Variants in BRAF observed in about 807,000 individuals in gnomAD.
The protein encoded by BRAF is serine/threonine-protein kinase B-raf.
Under a neutral mutation model 104.6 loss-of-function variants are expected in BRAF, and 16 were observed. The ratio of observed to expected loss-of-function variants is 0.15; its 90% confidence interval spans 0.10 to 0.23. The LOEUF is 0.23. Ranked by LOEUF, BRAF falls within the 10% of genes least tolerant of loss-of-function variation. The pLI, the probability that BRAF is intolerant of heterozygous loss-of-function variation, is 1.00. For synonymous variants in BRAF, 310 were observed against 341.6 expected (o/e 0.91, Z 1.02); for missense variants, 541 against 937.3 (o/e 0.58, Z 5.52).
intron 14 of BRAF, among the ~76,000 whole-genome samples, chr7:140,774,137 GTTAATT>G (rs1301379439): frequency 6.6e-6 from 1 of 152,112 alleles, no homozygotes; most frequent in Admixed American, 6.5e-5. Flanking sequence ...ATCCTCCTTG[GTTAATT>G]TTAAACTGGT....
rs527275468 is a variant in BRAF, at chr7:140,725,939, T to C, written c.*555A>G. 9.4e-7 allele frequency: 1 copy of C among 1,063,636 alleles called. No individual in the cohort carries two copies. Among genetic ancestry groups the C allele is most frequent in the South Asian group, 4.6e-5 (1 of 21,974 alleles). 65.9% of individuals were successfully genotyped at this position (1,063,636 alleles called of 1,614,324 possible). Reference sequence around the variant, plus strand: ...AAAATAGTTTCCTTTTGATAAAATCTGTCAAGGCCTGAACACGCACCACAT... The same window carrying C: ...AAAATAGTTTCCTTTTGATAAAATCCGTCAAGGCCTGAACACGCACCACAT... On this transcript the variant is annotated 3_prime_UTR_variant, in exon 20 of 20. Coordinates refer to ENST00000644969, the MANE Select transcript of BRAF (RefSeq NM_001374258.1).
Position 140,724,863 on chromosome 7 carries a change from T to C in BRAF, c.*1631A>G. On this transcript the variant is annotated 3_prime_UTR_variant, in exon 20 of 20. Coordinates refer to ENST00000644969, the MANE Select transcript of BRAF (RefSeq NM_001374258.1). ...AGGTTTTCCATTAATTTGCCATTAA[T>C]ACATCCGCTTTCTTTGCTATGACTG... is the stretch of plus-strand genomic sequence containing the variant. 9.6e-7 allele frequency: 1 copy of C among 1,038,622 alleles called. No homozygotes were observed. Among genetic ancestry groups the C allele is most frequent in the Non-Finnish European group, 1.2e-6 (1 of 862,382 alleles). The allele number at this position is 1,038,622 out of a possible 1,614,324, so 64.3% of individuals were successfully genotyped here. A position where few individuals can be genotyped will look rare whatever the true frequency, so the allele number is the denominator to read the frequency against.
chr7:140,922,067 T>A (rs1818283184), intron 1 of BRAF, among the ~76,000 whole-genome samples: 1 of 152,230 alleles, frequency 6.6e-6, no homozygotes, highest in Admixed American at 6.5e-5. Flanking sequence ...ATACATTTTT[T>A]AATCAATGTC....
intron 5 of BRAF, among the ~76,000 whole-genome samples, chr7:140,804,406 T>C (rs528340243): frequency 2.7e-5 from 4 of 147,260 alleles, no homozygotes; most frequent in Non-Finnish European, 4.5e-5. Context: ...GTTTTTTTTT[T>C]GGGGGGGGTG....
chr7:140,861,716 A>C (rs1810436146), intron 1 of BRAF, among the ~76,000 whole-genome samples: 1 of 152,268 alleles, frequency 6.6e-6, no homozygotes, highest in South Asian at 2.1e-4. Context: ...TAAGACTGTA[A>C]GGTGCTATAT....
chr7:140,800,367 A>G lies in BRAF; in HGVS notation c.975T>C (p.Ser325=), dbSNP rs762405754. 6.2e-7 allele frequency: 1 copy of G among 1,614,032 alleles called. No individual in the cohort carries two copies. Among genetic ancestry groups the G allele is most frequent in the East Asian group, 2.2e-5 (1 of 44,894 alleles). The change falls in exon 7 of 20, where the codon TCT becomes TCC. Residue 325 remains serine, a synonymous_variant. Coordinates refer to ENST00000644969, the MANE Select transcript of BRAF (RefSeq NM_001374258.1). ...GSSPSAPASD[S]IGPQILTSPS... Reference sequence around the variant, plus strand: ...GAGCAGAAGTCAAACCATACCCAATAGAGTCCGAGGCGGGTGCGGAAGGGG... The same window carrying G: ...GAGCAGAAGTCAAACCATACCCAATGGAGTCCGAGGCGGGTGCGGAAGGGG...
At chr7:140,769,235 C>A (rs920496904) in intron 14 of BRAF, among the ~76,000 whole-genome samples, 1 of 152,010 alleles carries the variant, frequency 6.6e-6, no homozygotes, top group Non-Finnish European at 1.5e-5. Context: ...GGCCACCATG[C>A]CCAGCTGATT....
chr7:140,859,685 A>ATT (rs60932962), intron 1 of BRAF, among the ~76,000 whole-genome samples: 52 of 131,634 alleles, frequency 4.0e-4, no homozygotes, highest in East Asian at 1.3e-3. Flanking sequence ...CTGATTGTAA[A>ATT]TTTTTTTTTT....
At chr7:140,726,822 T>G (rs1045834216) in intron 19 of BRAF, among the ~76,000 whole-genome samples, 3 of 152,250 alleles carry the variant, frequency 2.0e-5, no homozygotes, top group African/African-American at 7.2e-5. Context: ...TCTCAGAAAC[T>G]GAATGTAAAG....
chr7:140,772,272 T>TACAACAACAACA lies in BRAF; in HGVS notation c.1814+4628_1814+4639dup, dbSNP rs61337459. ...GCCTGATTAAAACAGATTGTTTAACTACAACAACAACAACAACAACAACAA... is the reference window on the plus strand; with the variant it reads ...GCCTGATTAAAACAGATTGTTTAACTACAACAACAACAACAACAACAACAACAACAACAACAA... On this transcript the variant is annotated intron_variant, in intron 14 of 19. Transcript: ENST00000644969. Among the ~76,000 whole-genome samples, 162 of 149,316 alleles carry TACAACAACAACA rather than the reference T, an allele frequency of 1.1e-3. 1 individual carries two copies. Among genetic ancestry groups the TACAACAACAACA allele is most frequent in the Middle Eastern group, 3.4e-3 (1 of 294 alleles).
chr7:140,739,920 G>A lies in BRAF; in HGVS notation c.2139C>T (p.Tyr713=), dbSNP rs759664527. 4.3e-6 allele frequency: 7 copies of A among 1,613,528 alleles called. No individual in the cohort carries two copies. The Admixed American group carries it at 5.0e-5, about 12-fold the overall frequency. Residue 713 remains tyrosine (Y), a synonymous_variant, in exon 18 of 20, where the codon TAC becomes TAT. Transcript: ENST00000644969. ...GTACCTTACTGAGATCTGGAGACAG[G>A]TATCCTCGTCCCACCATAAAAATTA... ...DQIIFMVGRG[Y]LSPDLSKVRS...
chr7:140,804,805 TTTTTC>T (rs1050930053), intron 5 of BRAF, among the ~76,000 whole-genome samples: 14 of 149,878 alleles, frequency 9.3e-5, no homozygotes, highest in African/African-American at 2.0e-4. Flanking sequence ...TCTACTTTTC[TTTTTC>T]TTTTCTTTTT....
intron 8 of BRAF, among the ~76,000 whole-genome samples, chr7:140,787,833 A>C (rs1801549541): frequency 6.6e-6 from 1 of 152,220 alleles, no homozygotes; most frequent in African/African-American, 2.4e-5. Context: ...TGTCCATTTC[A>C]GGCCATTCAA....
intron 2 of BRAF, 113 bp downstream of exon 2, chr7:140,849,998 A>C: frequency 2.5e-6 from 2 of 788,406 alleles, no homozygotes; most frequent in Non-Finnish European, 4.2e-6. Flanking sequence ...CTCTCTTCCC[A>C]AATCTATTCC....
intron 1 of BRAF, among the ~76,000 whole-genome samples, chr7:140,912,033 G>A (rs1265122213): frequency 6.6e-6 from 1 of 152,170 alleles, no homozygotes; most frequent in African/African-American, 2.4e-5. Flanking sequence ...TTAGCCTATA[G>A]TCCTGGCTAC....
At chr7:140,714,917 G>C (rs1795103850), downstream of BRAF, among the ~76,000 whole-genome samples, 3 of 152,140 alleles carry the variant, frequency 2.0e-5, no homozygotes, top group Admixed American at 1.3e-4. Context: ...AGTTGTGCGA[G>C]GGTGAAGAGT....
chr7:140,908,841 A>G (rs1283557757), intron 1 of BRAF, among the ~76,000 whole-genome samples: 3 of 135,810 alleles, frequency 2.2e-5, no homozygotes, highest in African/African-American at 7.6e-5. Context: ...TGGTCCACCA[A>G]AACCAAAGCC....
At chr7:140,906,559 ACT>A (rs1388298544) in intron 1 of BRAF, among the ~76,000 whole-genome samples, 2 of 151,772 alleles carry the variant, frequency 1.3e-5, no homozygotes, top group African/African-American at 2.4e-5. Context: ...CATATTTGCC[ACT>A]CTCTTTGCTC....
At chr7:140,877,197 G>A (rs964816039) in intron 1 of BRAF, among the ~76,000 whole-genome samples, 2 of 149,748 alleles carry the variant, frequency 1.3e-5, no homozygotes, top group African/African-American at 4.9e-5. Flanking sequence ...TGAAAATACA[G>A]CATACTAAAT....
Sources: gnomAD v4.1 joint callset for allele counts (sites outside exome capture counted in the v4.1 genomes callset) on GRCh38, gnomAD v4.1.1 for gene constraint, MANE v1.5 for transcripts, NCBI Gene and HGNC (gene_info 2026-07-23, HGNC 2026-07-21) for gene names.